Variants in CERS3 observed in about 807,000 individuals in gnomAD.
CERS3 encodes LAG1 homolog, ceramide synthase 3.
CERS3 carries 33 observed loss-of-function variants against 50.3 expected under a neutral mutation model. That is an observed-to-expected ratio of 0.66 (90% CI 0.50 to 0.88). The LOEUF is 0.88. Ranked by LOEUF, CERS3 falls within the 40% of genes least tolerant of loss-of-function variation. The pLI, the probability that CERS3 is intolerant of heterozygous loss-of-function variation, is 0.00. For missense variants in CERS3, 470 were observed against 460.3 expected (o/e 1.02, Z -0.19); for synonymous variants, 176 against 155.2 (o/e 1.13, Z -0.99).
chr15:100,516,572 G>T (rs938585657), intron 2 of CERS3, among the ~76,000 whole-genome samples: 3 of 152,216 alleles, frequency 2.0e-5, no homozygotes, highest in Non-Finnish European at 2.9e-5. Flanking sequence ...GTACAGGAAA[G>T]AATCAGATGT....
At chr15:100,495,158 T>C (rs910853354) in intron 3 of CERS3, among the ~76,000 whole-genome samples, 5 of 152,238 alleles carry the variant, frequency 3.3e-5, no homozygotes, top group Non-Finnish European at 7.3e-5. Flanking sequence ...AGTCCCCTGA[T>C]AATGAGCTTT....
At chr15:100,505,730 G>C (rs887476650) in intron 2 of CERS3, among the ~76,000 whole-genome samples, 2 of 152,220 alleles carry the variant, frequency 1.3e-5, no homozygotes, top group African/African-American at 4.8e-5. Flanking sequence ...CAAGCAGGCT[G>C]GGTGTGATGG....
intron 11 of CERS3, among the ~76,000 whole-genome samples, chr15:100,431,859 A>T (rs1210005061): frequency 6.6e-6 from 1 of 152,210 alleles, no homozygotes; most frequent in Admixed American, 6.5e-5. Flanking sequence ...GCTAGCATGT[A>T]ACAAGCTAGC....
intron 11 of CERS3, among the ~76,000 whole-genome samples, chr15:100,425,831 C>T (rs879583543): frequency 1.2e-4 from 19 of 152,156 alleles, no homozygotes; most frequent in Admixed American, 7.9e-4. Context: ...TCATGTTGAC[C>T]GTAATTCTGA....
At chr15:100,417,229 C>G (rs978389912) in intron 11 of CERS3, among the ~76,000 whole-genome samples, 1 of 151,342 alleles carries the variant, frequency 6.6e-6, no homozygotes, top group Non-Finnish European at 1.5e-5. Context: ...GTGCGTGCAC[C>G]GTGCGTGAGC....
At chr15:100,433,555 G>A (rs2033241429) in intron 11 of CERS3, among the ~76,000 whole-genome samples, 1 of 152,164 alleles carries the variant, frequency 6.6e-6, no homozygotes, top group African/African-American at 2.4e-5. Context: ...TCTCTGAAGG[G>A]CCACCCAGAA....
intron 11 of CERS3, among the ~76,000 whole-genome samples, chr15:100,434,325 A>G (rs1399420102): frequency 6.6e-6 from 1 of 152,208 alleles, no homozygotes; most frequent in African/African-American, 2.4e-5. Flanking sequence ...ACATGTGCCA[A>G]GGAGACACCC....
At chr15:100,451,894 C>T (rs939329708) in intron 11 of CERS3, among the ~76,000 whole-genome samples, 1 of 151,864 alleles carries the variant, frequency 6.6e-6, no homozygotes, top group Admixed American at 6.6e-5. Flanking sequence ...CAAAAAAGAC[C>T]ATTATATAAT....
intron 10 of CERS3, among the ~76,000 whole-genome samples, chr15:100,468,235 C>A (rs1236350010): frequency 2.0e-5 from 3 of 152,098 alleles, no homozygotes; most frequent in Non-Finnish European, 4.4e-5. Flanking sequence ...ACTATATAAA[C>A]TAGTTAAGCC....
chr15:100,482,767 G>C (rs952207147), intron 5 of CERS3, among the ~76,000 whole-genome samples: 2 of 152,058 alleles, frequency 1.3e-5, no homozygotes, highest in Admixed American at 1.3e-4. Flanking sequence ...TTGCCTGTTG[G>C]AAAGTAATTT....
upstream of CERS3, among the ~76,000 whole-genome samples, chr15:100,529,501 C>T (rs1317933979): frequency 6.6e-6 from 1 of 152,116 alleles, no homozygotes; most frequent in East Asian, 1.9e-4. Context: ...AGATATAATT[C>T]GCATTTTTAT....
At chr15:100,502,483 T>C (rs2036042586) in intron 2 of CERS3, among the ~76,000 whole-genome samples, 1 of 152,124 alleles carries the variant, frequency 6.6e-6, no homozygotes, top group Non-Finnish European at 1.5e-5. Flanking sequence ...TATGATTCTA[T>C]GGTATAAAAA....
chr15:100,463,315 G>T (rs2034609724), intron 10 of CERS3, among the ~76,000 whole-genome samples: 1 of 151,466 alleles, frequency 6.6e-6, no homozygotes, highest in African/African-American at 2.4e-5. Flanking sequence ...TGCACTTGTA[G>T]TCCCAGCAAC....
intron 2 of CERS3, among the ~76,000 whole-genome samples, chr15:100,512,421 C>T (rs1197393957): frequency 6.6e-6 from 1 of 152,134 alleles, no homozygotes; most frequent in Non-Finnish European, 1.5e-5. Context: ...GTTGTGGCAG[C>T]GTGCCTCCAG....
At chr15:100,412,134 A>AT (rs1301996516) in intron 11 of CERS3, among the ~76,000 whole-genome samples, 30 of 151,936 alleles carry the variant, frequency 2.0e-4, no homozygotes, top group Admixed American at 1.9e-3. Context: ...AAATTTGCCC[A>AT]TTTTTTCATT....
chr15:100,470,013 T>C (rs1438786701), intron 9 of CERS3, among the ~76,000 whole-genome samples: 2 of 152,176 alleles, frequency 1.3e-5, no homozygotes, highest in Non-Finnish European at 2.9e-5. Context: ...TTTCAAGCAT[T>C]TGATCTTTCC....
At position 100,483,781 on chromosome 15, in the gene CERS3, A is replaced by ATTTTTTTTTTTTTTTT. The variant is rs1267906519; in HGVS notation, c.407+768_407+769insAAAAAAAAAAAAAAAA. 6.4e-5 allele frequency among the ~76,000 whole-genome samples: 5 copies of ATTTTTTTTTTTTTTTT among 77,620 alleles called. No homozygotes were observed. In the East Asian group the frequency reaches 1.1e-3, roughly 17 times the overall value. The allele number at this position is 77,620 out of a possible 152,430, so 50.9% of individuals were successfully genotyped here. ...AGGATCAATAATAATAATAATTATT[A>ATTTTTTTTTTTTTTTT]TTATTATTTTTTTTTTTGAGACAGA... On this transcript the variant is annotated intron_variant, in intron 5 of 11. Coordinates refer to ENST00000679737, the MANE Select transcript of CERS3 (RefSeq NM_001378789.1).
upstream of CERS3, among the ~76,000 whole-genome samples, chr15:100,532,468 C>CA (rs2036960259): frequency 6.6e-6 from 1 of 152,090 alleles, no homozygotes; most frequent in Non-Finnish European, 1.5e-5. Flanking sequence ...AAATTTAAGT[C>CA]AAAATGCTAC....
intron 10 of CERS3, among the ~76,000 whole-genome samples, chr15:100,466,497 T>C (rs1041585216): frequency 5.3e-5 from 8 of 152,184 alleles, no homozygotes; most frequent in African/African-American, 1.9e-4. Flanking sequence ...CTGGTTCCAA[T>C]AAAAAATACA....
Sources: gnomAD v4.1 joint callset for allele counts (sites outside exome capture counted in the v4.1 genomes callset) on GRCh38, gnomAD v4.1.1 for gene constraint, MANE v1.5 for transcripts, NCBI Gene and HGNC (gene_info 2026-07-23, HGNC 2026-07-21) for gene names.